Variants in GOLGB1 observed in about 807,000 individuals in gnomAD.
The protein encoded by GOLGB1 is golgin B1.
In GOLGB1, 174 loss-of-function variants were observed where a neutral mutation model predicts 336.9. The ratio of observed to expected loss-of-function variants is 0.52; its 90% CI spans 0.46 to 0.59. The LOEUF (loss-of-function observed/expected upper bound fraction) is 0.59. Among genes scored for constraint, GOLGB1 ranks in the 20% least tolerant of loss-of-function variants. GOLGB1 has a pLI of 0.00. For missense variants in GOLGB1, 3,331 were observed against 3,645.3 expected (o/e 0.91, Z 2.22); for synonymous variants, 1,208 against 1,289.2 (o/e 0.94, Z 1.35).
At chr3:121,717,181 T>C (rs1944851551) in intron 8 of GOLGB1, 42 bp from the exon 9 acceptor site, 1 of 1,482,618 alleles carries the variant, frequency 6.7e-7, no homozygotes, top group Admixed American at 2.2e-5. Context: ...AAATACATTA[T>C]TTCATTTCAA....
intron 4 of GOLGB1, 165 bp downstream of exon 4, chr3:121,729,023 G>A (rs1576451342): frequency 2.2e-6 from 1 of 455,636 alleles, no homozygotes; most frequent in Middle Eastern, 4.6e-4. Flanking sequence ...CCCTGTGTGT[G>A]GCCTACAGTC....
Position 121,722,480 on chromosome 3 carries a change from C to G in GOLGB1, c.532-102G>C, listed in dbSNP as rs142707988. 325 of 636,342 alleles carry G rather than the reference C, an allele frequency of 5.1e-4. 1 individual carries two copies. The highest frequency in any genetic ancestry group is 5.1e-3 in the African/African-American group (278 of 54,586). 39.4% of individuals were successfully genotyped at this position (636,342 alleles called of 1,614,324 possible). A position where few individuals can be genotyped will look rare whatever the true frequency, so the allele number is the denominator to read the frequency against. On this transcript the variant is annotated intron_variant, in intron 5 of 21. Coordinates refer to ENST00000614479, the MANE Select transcript of GOLGB1 (RefSeq NM_001366282.2). ...CTTTCTTGCTTAACCTAAATGCCTA[C>G]CATATTTCCTTCTAGTTTCCATTGA...
chr3:121,733,929 T>TTTAA (rs762040470), intron 1 of GOLGB1, among the ~76,000 whole-genome samples: 3 of 152,208 alleles, frequency 2.0e-5, no homozygotes, highest in Non-Finnish European at 2.9e-5. Context: ...AAACTTAAAT[T>TTTAA]GTAAAGGTTT....
At chr3:121,702,012 A>G (rs180790126) in intron 11 of GOLGB1, among the ~76,000 whole-genome samples, 10 of 152,230 alleles carry the variant, frequency 6.6e-5, no homozygotes. Context: ...TCCAGACTAA[A>G]GGAAAGGAGC....
rs1803633 is a variant in GOLGB1 at position 121,667,590 on chromosome 3, T to G, written c.9440A>C (p.Gln3147Pro). Residue 3147 changes from glutamine (Q) to proline (P), a missense_variant, in exon 20 of 22, where the codon CAG becomes CCG. Transcript: ENST00000614479. ...CACTTCCTGTCTGGTGTTGCATAGC[T>G]GCTGCTGAGCTTCAGAAAAGCTTTA... ...PQQSFSEAQQQLCNTRQEVNE... is the reference protein window; with the variant it reads ...PQQSFSEAQQPLCNTRQEVNE... 5 of 1,613,692 alleles carry G rather than the reference T, an allele frequency of 3.1e-6. No individual in the cohort carries two copies. The African/African-American group carries it at 6.7e-5, about 22-fold the overall frequency.
chr3:121,692,754 C>T (rs1054568334), intron 13 of GOLGB1, among the ~76,000 whole-genome samples, 173 bp from the exon 14 acceptor site: 1 of 152,228 alleles, frequency 6.6e-6, no homozygotes. Context: ...TGTTTATCTA[C>T]TGAGTGCTAT....
At chr3:121,714,229 A>G (rs928120234) in intron 10 of GOLGB1, among the ~76,000 whole-genome samples, 1 of 152,336 alleles carries the variant, frequency 6.6e-6, no homozygotes, top group African/African-American at 2.4e-5. Flanking sequence ...AATGGAGATG[A>G]CTGAATCTAG....
intron 17 of GOLGB1, among the ~76,000 whole-genome samples, chr3:121,675,017 T>C (rs948268341): frequency 6.6e-6 from 1 of 151,358 alleles, no homozygotes; most frequent in African/African-American, 2.4e-5. Flanking sequence ...TTTGTATTTT[T>C]AGTAGAGACG....
chr3:121,678,482 T>C (rs1483847700), intron 15 of GOLGB1, among the ~76,000 whole-genome samples: 3 of 152,226 alleles, frequency 2.0e-5, no homozygotes, highest in African/African-American at 4.8e-5. Context: ...TCCTCTAGCA[T>C]TGGTGAAACA....
At chr3:121,719,567 G>C (rs1945028203) in intron 7 of GOLGB1, 79 bp downstream of exon 7, 2 of 1,155,182 alleles carry the variant, frequency 1.7e-6, no homozygotes, top group Admixed American at 4.6e-5. Flanking sequence ...AAGAGCAGTG[G>C]GTAAGGGTAG....
intron 14 of GOLGB1, among the ~76,000 whole-genome samples, chr3:121,686,661 A>G (rs1220159228): frequency 1.3e-5 from 1 of 76,554 alleles, no homozygotes; most frequent in Non-Finnish European, 3.5e-5. Context: ...GAAATTAAAC[A>G]TATACACACA....
intron 1 of GOLGB1, among the ~76,000 whole-genome samples, chr3:121,739,769 C>T (rs994010339): frequency 3.3e-5 from 5 of 152,114 alleles, no homozygotes; most frequent in African/African-American, 4.8e-5. Flanking sequence ...TGTATATAAA[C>T]ATTCATAGCA....
At position 121,663,594 on chromosome 3, in the gene GOLGB1, GTGGTGTTAGACCAGTCAGACTCC is replaced by G. The variant is rs1158598241; in HGVS notation, c.*863_*885del. On this transcript the variant is annotated 3_prime_UTR_variant, in exon 22 of 22. Transcript: ENST00000614479. ...ACTTCAAGAGGTCAGGAGTTGCAGT[GTGGTGTTAGACCAGTCAGACTCC>G]TGGCTGAGAGTCAATGCCTAATATT... 1 of 152,198 alleles carries G rather than the reference GTGGTGTTAGACCAGTCAGACTCC, an allele frequency of 6.6e-6. No individual in the cohort carries two copies. The highest frequency in any genetic ancestry group is 6.5e-5 in the Admixed American group (1 of 15,282). 9.4% of individuals were successfully genotyped at this position (152,198 alleles called of 1,614,324 possible). A position where few individuals can be genotyped will look rare whatever the true frequency, so the allele number is the denominator to read the frequency against.
chr3:121,719,716 T>C lies in GOLGB1; in HGVS notation c.701A>G (p.Gln234Arg), dbSNP rs1203143337. 2 of 1,610,502 alleles carry C rather than the reference T, an allele frequency of 1.2e-6. No homozygotes were observed. The highest frequency in any genetic ancestry group is 1.7e-6 in the Non-Finnish European group (2 of 1,178,168). ...VREKDARFET[Q>R]VRLHEDELLQ... is the part of the protein sequence containing the mutation. Reference sequence around the variant, plus strand: ...AAGCTCATCTTCATGAAGACGAACTTGTGTTTCAAAGCGGGCATCTTTCTC... The same window carrying C: ...AAGCTCATCTTCATGAAGACGAACTCGTGTTTCAAAGCGGGCATCTTTCTC... The change falls in exon 7 of 22, where the codon CAA becomes CGA. Residue 234 changes from glutamine (Q) to arginine (R), a missense_variant. Coordinates refer to ENST00000614479, the MANE Select transcript of GOLGB1 (RefSeq NM_001366282.2).
At position 121,690,898 on chromosome 3, in the gene GOLGB1, C is replaced by T. The variant is rs918326965; in HGVS notation, c.8466G>A (p.Leu2822=). ...NQQLLSKDEQ[L]LHLSSQLEDS... The stretch of plus-strand genomic sequence containing the variant: ...CTTCTAGTTGTGAGGACAAGTGAAG[C>T]AATTGCTCATCTTTGGATAGGAGCT... Residue 2822 remains leucine (L), a synonymous_variant, in exon 14 of 22, where the codon TTG becomes TTA. Transcript: ENST00000614479. 2 of 1,614,048 alleles carry T rather than the reference C, an allele frequency of 1.2e-6. No homozygotes were observed. The highest frequency in any genetic ancestry group is 1.7e-5 in the Admixed American group (1 of 60,006).
At chr3:121,672,955 C>T (rs189553514) in intron 17 of GOLGB1, among the ~76,000 whole-genome samples, 3 of 152,054 alleles carry the variant, frequency 2.0e-5, no homozygotes, top group African/African-American at 7.2e-5. Flanking sequence ...TGGCTTTATA[C>T]CTGGGTTTCT....
intron 7 of GOLGB1, among the ~76,000 whole-genome samples, chr3:121,718,949 A>G (rs949686097): frequency 8.5e-5 from 13 of 152,208 alleles, no homozygotes; most frequent in Non-Finnish European, 5.9e-5. Flanking sequence ...TAAAGCAATG[A>G]TACACATATA....
chr3:121,696,343 C>T lies in GOLGB1; in HGVS notation c.4180G>A (p.Glu1394Lys), dbSNP rs747516443. Residue 1394 changes from glutamate to lysine, a missense_variant, in exon 13 of 22, where the codon GAA (glutamate) becomes AAA (lysine). By Grantham distance (56) the Glu-to-Lys change is moderately conservative. Coordinates refer to ENST00000614479, the MANE Select transcript of GOLGB1 (RefSeq NM_001366282.2). ...LQIAGLEHLR[E>K]LQPKLDELQK... The stretch of plus-strand genomic sequence containing the variant: ...AGTTCATCCAGTTTAGGTTGCAATT[C>T]TCTTAGATGTTCTAGGCCAGCAATT... The T allele has an allele frequency of 5.6e-6, 9 of 1,614,010 alleles. No individual in the cohort carries two copies. The highest frequency in any genetic ancestry group is 6.8e-6 in the Non-Finnish European group (8 of 1,180,012).
intron 10 of GOLGB1, among the ~76,000 whole-genome samples, chr3:121,713,399 T>C (rs1056893483): frequency 3.3e-5 from 5 of 152,158 alleles, no homozygotes; most frequent in African/African-American, 7.2e-5. Flanking sequence ...AGTACAATCA[T>C]GCAAAAGGAA....
Sources: gnomAD v4.1 joint callset for allele counts (sites outside exome capture counted in the v4.1 genomes callset) on GRCh38, gnomAD v4.1.1 for gene constraint, MANE v1.5 for transcripts, NCBI Gene and HGNC (gene_info 2026-07-23, HGNC 2026-07-21) for gene names.